The following ATRX variants were observed in gnomAD, a reference collection of about 807,000 sequenced individuals.
The protein encoded by ATRX is chromatin remodeler ATRX.
Under a neutral mutation model 172.6 loss-of-function variants are expected in ATRX, and 12 were observed. That is an observed-to-expected ratio of 0.07 (90% CI 0.04 to 0.11). The LOEUF (loss-of-function observed/expected upper bound fraction) is 0.11. ATRX is among the 10% of genes least tolerant of loss of function. The pLI, the probability that ATRX is intolerant of heterozygous loss-of-function variation, is 1.00. For missense variants in ATRX, 1,368 were observed against 1,767.4 expected, an observed-to-expected ratio of 0.77 and a Z score of 4.05; for synonymous variants, 674 against 594.7, an observed-to-expected ratio of 1.13 and a Z score of -1.94.
chrX:77,663,493 T>G lies in ATRX; in HGVS notation c.4009A>C (p.Arg1337=), dbSNP rs1557124152. The G allele has an allele frequency of 8.3e-7, 1 of 1,211,350 alleles. No individual in the cohort carries two copies. The highest frequency in any genetic ancestry group is 1.8e-5 in the South Asian group (1 of 56,995). Residue 1337 remains arginine (R), a synonymous_variant, in exon 12 of 35, where the codon AGA becomes CGA. Transcript: ENST00000373344. ...AATTTGTGCCGCAAAAGCCTATGTC[T>G]GTATCTTGGCTTCTTAGATTCTTCA... is the stretch of plus-strand genomic sequence containing the variant. ...DSEESKKPRY[R]HRLLRHKLTV...
intron 34 of ATRX, among the ~76,000 whole-genome samples, chrX:77,517,723 A>G (rs781902253): frequency 3.1e-4 from 35 of 112,084 alleles, no homozygotes; most frequent in African/African-American, 1.1e-3. Context: ...CAAAAAAAGA[A>G]AACTACAGGG....
At chrX:77,616,138 C>T (rs1483082727) in intron 22 of ATRX, 6 of 776,211 alleles carry the variant, frequency 7.7e-6, no homozygotes, top group Non-Finnish European at 7.6e-6. Context: ...ACCCAGAAAA[C>T]AACTTCTGTT....
In ATRX at chrX:77,683,802, G is replaced by C. The variant is rs782161744; in HGVS notation, c.1454C>G (p.Thr485Arg). ...ATGTTCACCACCGGTACTTTTATTT[G>C]TTCTTTGTTCCTCTGTTGGAACATT... ...HQNVPTEEQR[T>R]NKSTGGEHKK... Residue 485 changes from threonine (T) to arginine (R), a missense_variant, in exon 9 of 35, where the codon ACA (threonine) becomes AGA (arginine). Physicochemically the swap from Thr to Arg is moderately conservative, Grantham distance 71. This residue lies in a region of ATRX where 843 missense variants were observed against 643.1 expected (regional missense o/e 1.31). Transcript: ENST00000373344. The C allele has an allele frequency of 2.1e-5, 25 of 1,209,998 alleles. No homozygotes were observed. Among genetic ancestry groups the C allele is most frequent in the Middle Eastern group, 2.3e-4 (1 of 4,349 alleles).
intron 28 of ATRX, among the ~76,000 whole-genome samples, chrX:77,571,177 A>G (rs782786407): frequency 2.3e-3 from 260 of 112,118 alleles, no homozygotes; most frequent in Non-Finnish European, 3.3e-3. Flanking sequence ...AGTACTTACC[A>G]TATGACCTAG....
At chrX:77,566,861 T>C (rs2065217872) in intron 28 of ATRX, among the ~76,000 whole-genome samples, 2 of 112,200 alleles carry the variant, frequency 1.8e-5, no homozygotes, top group Non-Finnish European at 3.8e-5. Context: ...TATAAGTCAA[T>C]ACAACAATTT....
chrX:77,528,637 GA>G (rs782294545), intron 30 of ATRX, among the ~76,000 whole-genome samples: 37 of 109,721 alleles, frequency 3.4e-4, no homozygotes, highest in African/African-American at 1.1e-3. Flanking sequence ...AAAAGGCCCC[GA>G]AAAAAAACCC....
chrX:77,725,086 C>G (rs2073968397), intron 1 of ATRX, among the ~76,000 whole-genome samples: 1 of 112,032 alleles, frequency 8.9e-6, no homozygotes, highest in African/African-American at 3.2e-5. Context: ...TCAACCAGCA[C>G]TATGTTATAC....
intron 15 of ATRX, among the ~76,000 whole-genome samples, chrX:77,640,919 C>A (rs1557110868): frequency 9.0e-6 from 1 of 111,227 alleles, no homozygotes; most frequent in African/African-American, 3.3e-5. Flanking sequence ...CAGAGCATGA[C>A]CAAGAAGCTG....
chrX:77,563,702 C>CGTGTGTGT (rs201190876), intron 28 of ATRX, among the ~76,000 whole-genome samples: 279 of 95,511 alleles, frequency 2.9e-3, no homozygotes, highest in South Asian at 7.8e-3. Context: ...TGTGTACATG[C>CGTGTGTGT]GTGTGTGTGT....
At chrX:77,613,475 TAC>T (rs1266527127) in intron 22 of ATRX, among the ~76,000 whole-genome samples, 1 of 112,160 alleles carries the variant, frequency 8.9e-6, no homozygotes, top group African/African-American at 3.2e-5. Flanking sequence ...GTTCTTTACA[TAC>T]AGTTGACCCT....
intron 34 of ATRX, among the ~76,000 whole-genome samples, chrX:77,517,536 T>C (rs111315589): frequency 0.011 from 1,195 of 111,936 alleles, 20 homozygotes; most frequent in African/African-American, 0.037. Flanking sequence ...ATAAAAAGTC[T>C]TCCAGCAAAG....
intron 1 of ATRX, among the ~76,000 whole-genome samples, chrX:77,767,462 C>T (rs1023052273): frequency 5.4e-5 from 6 of 110,272 alleles, no homozygotes; most frequent in African/African-American, 6.6e-5. Flanking sequence ...ATGGCACAAT[C>T]TCAGCTCACT....
chrX:77,581,162 G>A (rs1404064109), intron 27 of ATRX, among the ~76,000 whole-genome samples: 2 of 111,092 alleles, frequency 1.8e-5, no homozygotes. Context: ...AAGAAGACGA[G>A]CCCAAAAAAC....
chrX:77,649,811 G>C (rs782199204), intron 15 of ATRX, among the ~76,000 whole-genome samples: 67 of 112,098 alleles, frequency 6.0e-4, no homozygotes, highest in Non-Finnish European at 9.0e-4. Flanking sequence ...GGAACTATAA[G>C]TCCAATAAAA....
At chrX:77,694,239 G>A (rs2072057920) in intron 5 of ATRX, among the ~76,000 whole-genome samples, 1 of 111,893 alleles carries the variant, frequency 8.9e-6, no homozygotes, top group Non-Finnish European at 1.9e-5. Flanking sequence ...TTTTTATAGT[G>A]CCTATCACAA....
Position 77,705,914 on chromosome X carries a change from G to C in ATRX, c.134-7285C>G, listed in dbSNP as rs146064487. ...GTAAAACAATGCAATCAAGACCGTG[G>C]AGTACTGGTAAAAGGACAAACAGAA... On this transcript the variant is annotated intron_variant, in intron 2 of 34. Transcript: ENST00000373344. Among the ~76,000 whole-genome samples, 872 of 111,538 alleles carry C rather than the reference G, an allele frequency of 7.8e-3. 9 individuals are homozygous for C. Among genetic ancestry groups the C allele is most frequent in the African/African-American group, 0.027 (843 of 30,676 alleles).
intron 22 of ATRX, among the ~76,000 whole-genome samples, chrX:77,612,176 C>A (rs1403616981): frequency 9.0e-6 from 1 of 110,649 alleles, no homozygotes; most frequent in African/African-American, 3.3e-5. Context: ...AGCTGATGGT[C>A]CATCAAAATC....
chrX:77,775,828 G>A (rs1557202024), intron 1 of ATRX, among the ~76,000 whole-genome samples: 1 of 110,819 alleles, frequency 9.0e-6, no homozygotes, highest in African/African-American at 3.3e-5. Context: ...TCTGCCTCCC[G>A]GCTTCAAGCA....
At chrX:77,656,431 T>C in intron 13 of ATRX, 129 bp downstream of exon 13, 1 of 520,387 alleles carries the variant, frequency 1.9e-6, no homozygotes, top group African/African-American at 2.3e-5. Context: ...AGTATAACAA[T>C]TAGTTTCAAA....
Sources: gnomAD v4.1 joint callset for allele counts (sites outside exome capture counted in the v4.1 genomes callset) on GRCh38, gnomAD v4.1.1 for gene constraint, gnomAD v4.1.1 regional missense constraint, MANE v1.5 for transcripts, NCBI Gene and HGNC (gene_info 2026-07-23, HGNC 2026-07-21) for gene names.